Variants in NCKAP1 observed in about 807,000 individuals in gnomAD.
NCKAP1 encodes the protein nck-associated protein 1.
Under a neutral mutation model 151.2 loss-of-function variants are expected in NCKAP1, and 21 were observed. That is an observed-to-expected ratio of 0.14 (90% CI 0.10 to 0.20). The LOEUF (loss-of-function observed/expected upper bound fraction) is 0.20. NCKAP1 is among the 10% of genes least tolerant of loss of function. NCKAP1 has a pLI of 1.00. For missense variants in NCKAP1, 933 were observed against 1,352.1 expected, an observed-to-expected ratio of 0.69 and a Z score of 4.86; for synonymous variants, 484 against 451.8, an observed-to-expected ratio of 1.07 and a Z score of -0.90.
Position 182,922,395 on chromosome 2 carries a change from GAAGA to G in NCKAP1, c.*3303_*3306del, listed in dbSNP as rs1483064369. The G allele has an allele frequency of 6.6e-6, 1 of 152,140 alleles. No homozygotes were observed. The highest frequency in any genetic ancestry group is 1.9e-4 in the East Asian group (1 of 5,180). 9.4% of individuals were successfully genotyped at this position (152,140 alleles called of 1,614,324 possible). A position where few individuals can be genotyped will look rare whatever the true frequency, so the allele number is the denominator to read the frequency against. ...TTGTGAACTCTGCTATATAAGCAAA[GAAGA>G]AAGCAAGCAAGCACATGATCAGAAG... On this transcript the variant is annotated 3_prime_UTR_variant, in exon 31 of 31. Coordinates refer to ENST00000361354, the MANE Select transcript of NCKAP1 (RefSeq NM_013436.5).
chr2:183,030,753 A>G (rs928557305), intron 1 of NCKAP1, among the ~76,000 whole-genome samples: 7 of 152,374 alleles, frequency 4.6e-5, no homozygotes, highest in Admixed American at 1.3e-4. Context: ...ATGGAATGTA[A>G]AAGTAATATA....
At position 182,911,518 on chromosome 2, in the gene NCKAP1, T is replaced by C. The variant is rs1696395062; in HGVS notation, c.*14184A>G. Reference sequence around the variant, plus strand: ...TTATAAACAGACTATGTGAAAAAATTTGAAATATAAACTCTTAAACCATGA... The same window carrying C: ...TTATAAACAGACTATGTGAAAAAATCTGAAATATAAACTCTTAAACCATGA... On this transcript the variant is annotated 3_prime_UTR_variant, in exon 31 of 31. Transcript: ENST00000361354. 6.6e-6 allele frequency: 1 copy of C among 152,230 alleles called. No individual in the cohort carries two copies. The highest frequency in any genetic ancestry group is 6.5e-5 in the Admixed American group (1 of 15,286). The allele number at this position is 152,230 out of a possible 1,614,324, so 9.4% of individuals were successfully genotyped here. A position where few individuals can be genotyped will look rare whatever the true frequency, so the allele number is the denominator to read the frequency against.
At chr2:182,935,156 G>T in intron 25 of NCKAP1, 137 bp downstream of exon 25, 1 of 682,696 alleles carries the variant, frequency 1.5e-6, no homozygotes, top group Non-Finnish European at 2.4e-6. Flanking sequence ...TTTTATGTAT[G>T]TTATTTTCTG....
intron 11 of NCKAP1, among the ~76,000 whole-genome samples, 158 bp downstream of exon 11, chr2:182,983,128 T>C (rs1240171224): frequency 1.3e-5 from 2 of 152,116 alleles, no homozygotes; most frequent in Non-Finnish European, 2.9e-5. Flanking sequence ...TGCAGGGAGG[T>C]ACGATGTATG....
In NCKAP1 at chr2:182,924,567, G is replaced by A. The variant is rs1696603591; in HGVS notation, c.*1135C>T. On this transcript the variant is annotated 3_prime_UTR_variant, in exon 31 of 31. Coordinates refer to ENST00000361354, the MANE Select transcript of NCKAP1 (RefSeq NM_013436.5). ...TTCTCAACATTCTCACTAGTCCCAT[G>A]ATCACTCAATTTTTTTTCCCTATTC... 1 of 151,186 alleles carries A rather than the reference G, an allele frequency of 6.6e-6. No individual in the cohort carries two copies. Among genetic ancestry groups the A allele is most frequent in the South Asian group, 2.1e-4 (1 of 4,822 alleles). 9.4% of individuals were successfully genotyped at this position (151,186 alleles called of 1,614,324 possible).
At position 182,953,136 on chromosome 2, in the gene NCKAP1, G is replaced by A; in HGVS notation, c.2349C>T (p.Thr783=). Residue 783 remains threonine (T), a synonymous_variant, in exon 21 of 31, where the codon ACC becomes ACT. Transcript: ENST00000361354. ...TQHLDSHGEP[T]ITSLYTNWYL... ...ACCAATTTGTGTATAGACTTGTAAT[G>A]GTTGGCTCTCCATGACTGTCTAAAT... 1 of 1,612,238 alleles carries A rather than the reference G, an allele frequency of 6.2e-7. No individual in the cohort carries two copies. The highest frequency in any genetic ancestry group is 8.5e-7 in the Non-Finnish European group (1 of 1,178,952).
chr2:183,030,821 A>T lies in NCKAP1; in HGVS notation c.109-6905T>A, dbSNP rs367594961. Among the ~76,000 whole-genome samples the T allele has an allele frequency of 1.4e-4, 21 of 152,326 alleles. No individual in the cohort carries two copies. The South Asian group carries it at 3.9e-3, about 29-fold the overall frequency. On this transcript the variant is annotated intron_variant, in intron 1 of 30. Coordinates refer to ENST00000361354, the MANE Select transcript of NCKAP1 (RefSeq NM_013436.5). ...AATAATGAAAATATTACAGTATGAAAATTGTCCATAAGTACTGGAAAACTT... is the reference window on the plus strand; with the variant it reads ...AATAATGAAAATATTACAGTATGAATATTGTCCATAAGTACTGGAAAACTT...
At chr2:182,941,164 A>G (rs1696987434) in intron 24 of NCKAP1, among the ~76,000 whole-genome samples, 1 of 151,954 alleles carries the variant, frequency 6.6e-6, no homozygotes, top group South Asian at 2.1e-4. Context: ...AAGGCTTTTA[A>G]ATTAACCAAG....
intron 8 of NCKAP1, among the ~76,000 whole-genome samples, chr2:182,991,937 T>C (rs1237792201): frequency 6.6e-6 from 1 of 152,230 alleles, no homozygotes; most frequent in Non-Finnish European, 1.5e-5. Flanking sequence ...CTCAATATTC[T>C]AGGTCCTGCA....
At chr2:182,945,406 A>C (rs1697083003) in intron 23 of NCKAP1, among the ~76,000 whole-genome samples, 2 of 152,088 alleles carry the variant, frequency 1.3e-5, no homozygotes, top group African/African-American at 4.8e-5. Context: ...TTAAAAAAGA[A>C]AGAAAGAAAA....
At chr2:183,031,510 G>C (rs1699003473) in intron 1 of NCKAP1, among the ~76,000 whole-genome samples, 1 of 152,080 alleles carries the variant, frequency 6.6e-6, no homozygotes, top group South Asian at 2.1e-4. Context: ...ACTGTATCAG[G>C]CAGTAAAATA....
intron 6 of NCKAP1, among the ~76,000 whole-genome samples, chr2:182,999,125 T>C (rs1698329938): frequency 6.6e-6 from 1 of 152,100 alleles, no homozygotes; most frequent in African/African-American, 2.4e-5. Context: ...ATTACTGTCA[T>C]TTTTCATATA....
chr2:182,971,492 ACTAT>A (rs769310142), intron 15 of NCKAP1, among the ~76,000 whole-genome samples: 6 of 152,108 alleles, frequency 3.9e-5, no homozygotes, highest in Admixed American at 1.3e-4. Context: ...GATTCAATAA[ACTAT>A]CTATCTAAAT....
At chr2:182,981,182 T>C in intron 13 of NCKAP1, 62 bp downstream of exon 13, 3 of 1,551,222 alleles carry the variant, frequency 1.9e-6, no homozygotes, top group Middle Eastern at 1.7e-4. Context: ...AACAAACAAA[T>C]AAAATACTAT....
intron 9 of NCKAP1, among the ~76,000 whole-genome samples, chr2:182,986,970 G>A (rs957442477): frequency 3.3e-5 from 5 of 152,176 alleles, no homozygotes; most frequent in South Asian, 2.1e-4. Flanking sequence ...GGCCAGGTAC[G>A]GTGGCTCACA....
chr2:183,002,383 C>G (rs1698390590), intron 4 of NCKAP1, 114 bp from the exon 5 acceptor site: 4 of 752,222 alleles, frequency 5.3e-6, no homozygotes, highest in Admixed American at 7.1e-5. Flanking sequence ...TTATTTTATC[C>G]CTGTTCTAAA....
chr2:183,034,382 G>GTT (rs71405501), intron 1 of NCKAP1, among the ~76,000 whole-genome samples: 2 of 147,978 alleles, frequency 1.4e-5, no homozygotes, highest in African/African-American at 5.0e-5. Context: ...AGTTGTATGG[G>GTT]TTTTTTTTTT....
At chr2:182,976,867 G>C in intron 15 of NCKAP1, 26 bp downstream of exon 15, 2 of 1,397,514 alleles carry the variant, frequency 1.4e-6, no homozygotes, top group Non-Finnish European at 1.9e-6. Context: ...TAACAAAACA[G>C]AATGACAATA....
intron 14 of NCKAP1, 60 bp downstream of exon 14, chr2:182,978,771 TTAA>T (rs1559090625): frequency 2.0e-6 from 2 of 981,634 alleles, no homozygotes; most frequent in East Asian, 5.3e-5. Flanking sequence ...AATTATCTCC[TTAA>T]TAATCAAGTT....
Sources: allele counts gnomAD v4.1 joint callset (sites outside exome capture counted in the v4.1 genomes callset), GRCh38; gene constraint gnomAD v4.1.1; transcripts MANE v1.5; gene names NCBI Gene and HGNC (gene_info 2026-07-23, HGNC 2026-07-21).